Variants in AOPEP observed in about 807,000 individuals in gnomAD.
AOPEP encodes aminopeptidase O (putative).
Under a neutral mutation model 98.1 loss-of-function variants are expected in AOPEP, and 77 were observed. The ratio of observed to expected loss-of-function variants is 0.78; its 90% CI spans 0.65 to 0.95. The LOEUF is 0.95. AOPEP is among the 40% of genes least tolerant of loss of function. The pLI is 0.00. For missense variants in AOPEP, 1,024 were observed against 1,024.7 expected, an observed-to-expected ratio of 1.00 and a Z score of 0.01; for synonymous variants, 346 against 365.3, an observed-to-expected ratio of 0.95 and a Z score of 0.60.
At chr9:94,780,715 T>C (rs535159089) in intron 3 of AOPEP, among the ~76,000 whole-genome samples, 2 of 152,362 alleles carry the variant, frequency 1.3e-5, no homozygotes, top group South Asian at 4.1e-4. Context: ...GTTTTCTCGA[T>C]TGGCAGATTG....
At chr9:94,871,628 A>ATTT (rs2046358048) in intron 5 of AOPEP, among the ~76,000 whole-genome samples, 2 of 152,208 alleles carry the variant, frequency 1.3e-5, no homozygotes, top group Non-Finnish European at 2.9e-5. Context: ...TACAGACTTA[A>ATTT]AAGTATTTTG....
intron 13 of AOPEP, among the ~76,000 whole-genome samples, chr9:95,041,360 T>TA (rs543941383): frequency 4.5e-4 from 65 of 144,438 alleles, no homozygotes; most frequent in African/African-American, 8.3e-4. Context: ...AAATAAGATT[T>TA]AAAAAAAAAA....
chr9:94,914,716 T>C (rs2052561762), intron 5 of AOPEP, among the ~76,000 whole-genome samples: 1 of 152,244 alleles, frequency 6.6e-6, no homozygotes, highest in African/African-American at 2.4e-5. Context: ...TTTAAGCTGA[T>C]GCTGTGCAGC....
At chr9:94,828,245 A>C (rs1253020350) in intron 5 of AOPEP, among the ~76,000 whole-genome samples, 1 of 152,130 alleles carries the variant, frequency 6.6e-6, no homozygotes, top group Non-Finnish European at 1.5e-5. Context: ...TTTGTTCTTT[A>C]GTTTCTTGTG....
chr9:95,088,110 C>T (rs1230332639), downstream of AOPEP, among the ~76,000 whole-genome samples: 2 of 152,094 alleles, frequency 1.3e-5, no homozygotes, highest in East Asian at 1.9e-4. Context: ...GAGGATGGCT[C>T]AGAACTTGAC....
intron 16 of AOPEP, chr9:95,085,629 C>A: frequency 2.6e-6 from 1 of 381,544 alleles, no homozygotes; most frequent in Non-Finnish European, 5.2e-6. Context: ...GGGTGCGGAG[C>A]GCGATCCTGG....
intron 4 of AOPEP, among the ~76,000 whole-genome samples, chr9:94,798,787 A>G (rs1383815428): frequency 6.6e-6 from 1 of 152,238 alleles, no homozygotes; most frequent in Non-Finnish European, 1.5e-5. Context: ...GGTTAATTTA[A>G]TCAGTGGCCT....
chr9:95,045,253 G>GC (rs2065743090), intron 13 of AOPEP, among the ~76,000 whole-genome samples: 1 of 152,212 alleles, frequency 6.6e-6, no homozygotes, highest in South Asian at 2.1e-4. Flanking sequence ...CCTGCAGCGG[G>GC]CGGACCCGTG....
At chr9:94,839,339 C>A (rs900648991) in intron 5 of AOPEP, among the ~76,000 whole-genome samples, 1 of 152,088 alleles carries the variant, frequency 6.6e-6, no homozygotes, top group Non-Finnish European at 1.5e-5. Flanking sequence ...CCGCCCACCT[C>A]GGCCTCCCAA....
intron 6 of AOPEP, among the ~76,000 whole-genome samples, chr9:94,928,117 G>A (rs2054646501): frequency 6.6e-6 from 1 of 152,196 alleles, no homozygotes; most frequent in South Asian, 2.1e-4. Flanking sequence ...AAGTGGAAAT[G>A]GTCCCAAGGG....
At chr9:95,040,312 C>T (rs1043882069) in intron 13 of AOPEP, among the ~76,000 whole-genome samples, 7 of 152,352 alleles carry the variant, frequency 4.6e-5, no homozygotes, top group African/African-American at 1.4e-4. Flanking sequence ...TTATTACTCA[C>T]ATTTAGAATT....
chr9:94,887,366 A>C (rs2048359570), intron 5 of AOPEP, among the ~76,000 whole-genome samples: 1 of 151,634 alleles, frequency 6.6e-6, no homozygotes, highest in African/African-American at 2.4e-5. Flanking sequence ...TAATAATAAT[A>C]ATAATAATAA....
chr9:94,830,218 T>G (rs753807834), intron 5 of AOPEP, among the ~76,000 whole-genome samples: 36 of 152,322 alleles, frequency 2.4e-4, no homozygotes, highest in Non-Finnish European at 4.1e-4. Context: ...CAGACTCCAG[T>G]GTGTGTGGTT....
At chr9:94,913,309 T>A (rs1467952016) in intron 5 of AOPEP, among the ~76,000 whole-genome samples, 1 of 152,092 alleles carries the variant, frequency 6.6e-6, no homozygotes, top group East Asian at 1.9e-4. Flanking sequence ...TTGGAGAGAC[T>A]TTTATTTGTT....
intron 5 of AOPEP, among the ~76,000 whole-genome samples, chr9:94,845,970 C>T (rs1486645400): frequency 2.0e-5 from 3 of 152,066 alleles, no homozygotes; most frequent in Non-Finnish European, 4.4e-5. Flanking sequence ...TGTCGGGTGC[C>T]TGTAACCCCA....
At chr9:95,005,647 G>C (rs2061954053) in intron 13 of AOPEP, 31 bp downstream of exon 13, 1 of 1,588,898 alleles carries the variant, frequency 6.3e-7, no homozygotes, top group Non-Finnish European at 8.6e-7. Flanking sequence ...ACTCGGTGCA[G>C]GTCTTGGTAA....
chr9:95,011,726 C>T (rs1315755378), intron 13 of AOPEP, among the ~76,000 whole-genome samples: 7 of 151,958 alleles, frequency 4.6e-5, no homozygotes, highest in Non-Finnish European at 8.8e-5. Flanking sequence ...GCAGTAGAAT[C>T]GCTTGAGTTA....
At chr9:95,082,786 A>T in intron 16 of AOPEP, 67 bp downstream of exon 16, 2 of 1,561,784 alleles carry the variant, frequency 1.3e-6, no homozygotes, top group Non-Finnish European at 1.8e-6. Context: ...AGCCAACTAA[A>T]TCAGTAAGCC....
chr9:94,948,168 A>G (rs2057822600), intron 7 of AOPEP, among the ~76,000 whole-genome samples: 4 of 152,228 alleles, frequency 2.6e-5, no homozygotes, highest in Admixed American at 2.0e-4. Flanking sequence ...TAGACTCCCA[A>G]CTATAGCTCA....
Sources: allele counts gnomAD v4.1 joint callset (sites outside exome capture counted in the v4.1 genomes callset), GRCh38; gene constraint gnomAD v4.1.1; transcripts MANE v1.5; gene names NCBI Gene and HGNC (gene_info 2026-07-23, HGNC 2026-07-21).